The following DAB1 variants were observed in gnomAD, a reference collection of about 807,000 sequenced individuals.
The protein encoded by DAB1 is DAB adaptor protein 1.
A neutral mutation model predicts 64.6 loss-of-function variants in DAB1; 15 were observed. The ratio of observed to expected loss-of-function variants is 0.23; its 90% CI spans 0.16 to 0.36. The LOEUF (loss-of-function observed/expected upper bound fraction) is 0.36, where lower values mean the gene tolerates loss of function less well. Among genes scored for constraint, DAB1 ranks in the 10% least tolerant of loss-of-function variants. DAB1 has a pLI of 1.00. For synonymous variants in DAB1, 235 were observed against 251.9 expected (o/e 0.93, Z 0.64); for missense variants, 596 against 706.7 (o/e 0.84, Z 1.78).
intron 2 of DAB1, among the ~76,000 whole-genome samples, chr1:58,511,083 T>C (rs114219987): frequency 0.027 from 4,181 of 152,258 alleles, 71 homozygotes; most frequent in Non-Finnish European, 0.043. Flanking sequence ...GAGATCTCTA[T>C]GAAAATCCCA....
In DAB1 at chr1:57,067,377, T is replaced by TG. The variant is rs779526876; in HGVS notation, c.663+1982dup. On this transcript the variant is annotated intron_variant, in intron 8 of 14. Transcript: ENST00000371236. ...TTACAGAGGTCAGAGGGACCTGCAG[T>TG]GGGGGCTCTACCTATTGCTAGCTCT... 2.6e-5 allele frequency among the ~76,000 whole-genome samples: 4 copies of TG among 152,224 alleles called. 1 individual carries two copies. The South Asian group carries it at 8.3e-4, about 32-fold the overall frequency.
At chr1:57,363,250 A>G (rs2100904813) in intron 1 of DAB1, among the ~76,000 whole-genome samples, 1 of 152,284 alleles carries the variant, frequency 6.6e-6, no homozygotes, top group East Asian at 1.9e-4. Flanking sequence ...GACCCCTTTC[A>G]TAGGACAGAA....
chr1:57,124,686 T>A (rs1656974266), intron 4 of DAB1, among the ~76,000 whole-genome samples: 2 of 152,272 alleles, frequency 1.3e-5, no homozygotes, highest in East Asian at 3.9e-4. Context: ...TTTTTAGAAG[T>A]CAAATCTAGT....
intron 2 of DAB1, among the ~76,000 whole-genome samples, chr1:58,507,853 T>G (rs1364206572): frequency 6.6e-6 from 1 of 152,098 alleles, no homozygotes; most frequent in African/African-American, 2.4e-5. Flanking sequence ...CTCAAATAAT[T>G]CATAAAAATA....
intron 5 of DAB1, chr1:58,074,574 A>ATATATATATATC (rs1649517908): frequency 8.0e-6 from 1 of 124,424 alleles, no homozygotes; most frequent in African/African-American, 3.0e-5. Context: ...GTATATATAT[A>ATATATATATATC]TATATATATA....
At chr1:57,335,326 C>T (rs1446181065) in intron 1 of DAB1, among the ~76,000 whole-genome samples, 1 of 151,908 alleles carries the variant, frequency 6.6e-6, no homozygotes, top group Admixed American at 6.6e-5. Context: ...TTTGGAAATG[C>T]TAACATGCTG....
intron 5 of DAB1, among the ~76,000 whole-genome samples, chr1:58,000,523 T>G (rs919533278): frequency 1.4e-5 from 2 of 146,832 alleles, no homozygotes; most frequent in Non-Finnish European, 3.0e-5. Flanking sequence ...CCACTTAGTC[T>G]CTTTTCCCCC....
At chr1:57,605,806 T>A (rs201693495) in intron 7 of DAB1, 16 of 427,906 alleles carry the variant, frequency 3.7e-5, no homozygotes, top group Middle Eastern at 7.5e-4. Context: ...TTTTTTTTTT[T>A]ATTTTAAACA....
At chr1:57,069,549 C>A in intron 7 of DAB1, 124 bp from the exon 8 acceptor site, 1 of 716,212 alleles carries the variant, frequency 1.4e-6, no homozygotes. Flanking sequence ...GAGAAAACAC[C>A]TTAAAGACAC....
intron 2 of DAB1, among the ~76,000 whole-genome samples, chr1:57,212,664 G>A (rs375253894): frequency 1.6e-4 from 25 of 152,038 alleles, no homozygotes; most frequent in African/African-American, 5.8e-4. Flanking sequence ...ACCGCGCCCC[G>A]CCTTATTTCA....
rs1161225214 is a variant in DAB1, at chr1:58,445,738, C to G, written n.257+60322G>C. Among the ~76,000 whole-genome samples the G allele has an allele frequency of 3.3e-5, 5 of 152,324 alleles. No homozygotes were observed. The East Asian group carries it at 9.6e-4, about 29-fold the overall frequency. On this transcript the variant is annotated intron_variant and non_coding_transcript_variant, in intron 3 of 20. Transcript: ENST00000485760. ...AGTTTCCCTAAAGGAATACTCATCC[C>G]TTGTGCTTAGGAAGCGTGTGATATC...
intron 5 of DAB1, among the ~76,000 whole-genome samples, chr1:58,003,251 T>C (rs1446468220): frequency 6.6e-6 from 1 of 152,166 alleles, no homozygotes; most frequent in Non-Finnish European, 1.5e-5. Context: ...TTTCAGGCTA[T>C]TGAGTGTATT....
chr1:58,172,342 T>C (rs1053301468), intron 4 of DAB1, among the ~76,000 whole-genome samples: 2 of 152,210 alleles, frequency 1.3e-5, no homozygotes, highest in Non-Finnish European at 2.9e-5. Flanking sequence ...CCTTACTGTT[T>C]ACGGGTAGTT....
intron 3 of DAB1, among the ~76,000 whole-genome samples, chr1:58,497,859 G>A (rs1645830914): frequency 6.6e-6 from 1 of 152,084 alleles, no homozygotes; most frequent in African/African-American, 2.4e-5. Flanking sequence ...GTTGAAGATG[G>A]TATTTACACC....
chr1:58,441,551 C>T (rs932256193), intron 3 of DAB1, among the ~76,000 whole-genome samples: 1 of 152,184 alleles, frequency 6.6e-6, no homozygotes, highest in African/African-American at 2.4e-5. Context: ...CAAGTCCTAA[C>T]TCTGCCCTGC....
intron 4 of DAB1, among the ~76,000 whole-genome samples, chr1:57,090,520 T>A (rs1653555355): frequency 1.3e-5 from 2 of 152,208 alleles, no homozygotes; most frequent in South Asian, 4.2e-4. Flanking sequence ...TCTTATAGGT[T>A]CAAATTTAAT....
At chr1:57,785,988 T>C (rs534993522) in intron 6 of DAB1, among the ~76,000 whole-genome samples, 202 of 152,290 alleles carry the variant, frequency 1.3e-3, no homozygotes, top group Non-Finnish European at 2.5e-3. Flanking sequence ...AAGAAATTAC[T>C]GCAGCCACCC....
intron 4 of DAB1, among the ~76,000 whole-genome samples, chr1:58,291,704 G>A (rs759626921): frequency 8.5e-5 from 13 of 152,178 alleles, no homozygotes; most frequent in Admixed American, 1.3e-4. Context: ...TGAGGTAAAC[G>A]GTATTATTGT....
intron 3 of DAB1, among the ~76,000 whole-genome samples, chr1:58,453,571 T>G (rs1363756164): frequency 6.6e-6 from 1 of 152,130 alleles, no homozygotes; most frequent in African/African-American, 2.4e-5. Context: ...AGGTGGCCCG[T>G]GACCCGAGGC....
Sources: gnomAD v4.1 joint callset for allele counts (sites outside exome capture counted in the v4.1 genomes callset) on GRCh38, gnomAD v4.1.1 for gene constraint, MANE v1.5 for transcripts, NCBI Gene and HGNC (gene_info 2026-07-23, HGNC 2026-07-21) for gene names.